ZDHHC24: variants seen among roughly 807,000 people sequenced by gnomAD.
The protein encoded by ZDHHC24 is probable palmitoyltransferase ZDHHC24.
Under a neutral mutation model 23.2 loss-of-function variants are expected in ZDHHC24, and 17 were observed. The observed-to-expected ratio is 0.73, with a 90% confidence interval of 0.50 to 1.10. The LOEUF (loss-of-function observed/expected upper bound fraction) is 1.10. Ranked by LOEUF, ZDHHC24 falls within the 50% of genes least tolerant of loss-of-function variation. The pLI is 0.00. For synonymous variants in ZDHHC24, 186 were observed against 194.5 expected, an observed-to-expected ratio of 0.96 and a Z score of 0.36; for missense variants, 366 against 393.0, an observed-to-expected ratio of 0.93 and a Z score of 0.58.
At chr11:66,524,180 T>C (rs575426823) in intron 4 of ZDHHC24, 1 of 407,658 alleles carries the variant, frequency 2.5e-6, no homozygotes, top group South Asian at 2.0e-5. Flanking sequence ...CTCAGGAGGT[T>C]GAGGTAGGAG....
intron 4 of ZDHHC24, chr11:66,526,760 C>G: frequency 6.2e-7 from 1 of 1,614,252 alleles, no homozygotes; most frequent in African/African-American, 1.3e-5. Context: ...CCCCGAAAGA[C>G]CCGGCTTTAC....
downstream of ZDHHC24, among the ~76,000 whole-genome samples, chr11:66,535,077 G>A (rs1256039618): frequency 6.6e-6 from 1 of 152,144 alleles, no homozygotes. Context: ...ATTTTTAGTA[G>A]AGACAGGGTT....
At chr11:66,523,916 C>T (rs1407253970) in intron 4 of ZDHHC24, 1 of 1,610,574 alleles carries the variant, frequency 6.2e-7, no homozygotes, top group Non-Finnish European at 8.5e-7. Flanking sequence ...CCACTCACTC[C>T]TCCTTGCCCT....
At chr11:66,522,179 T>C (rs1015376279) in intron 4 of ZDHHC24, among the ~76,000 whole-genome samples, 6 of 150,434 alleles carry the variant, frequency 4.0e-5, no homozygotes, top group African/African-American at 1.5e-4. Flanking sequence ...ATCACGCCAC[T>C]GCCCTCCAGC....
chr11:66,539,679 G>C lies in ZDHHC24; in HGVS notation c.705C>G (p.His235Gln). The change falls in exon 3 of 3, where the codon CAC (histidine) becomes CAG (glutamine). Residue 235 changes from histidine (H) to glutamine (Q), a missense_variant. Physicochemically the swap from His to Gln is conservative, Grantham distance 24. Coordinates refer to ENST00000310442, the MANE Select transcript of ZDHHC24 (RefSeq NM_207340.3). ...TGTGGCAGGGACCCAGGTCATAGGA[G>C]TGCTGGCCCCGAGCCCACTCCCATG... ...QTTWEWARGQ[H>Q]SYDLGPCHNL... is the part of the protein sequence containing the mutation. 1.1e-5 allele frequency: 17 copies of C among 1,611,356 alleles called. No homozygotes were observed. The highest frequency in any genetic ancestry group is 1.4e-5 in the Non-Finnish European group (17 of 1,179,580).
chr11:66,523,500 C>G (rs1856337732), intron 4 of ZDHHC24: 1 of 1,614,016 alleles, frequency 6.2e-7, no homozygotes, highest in Non-Finnish European at 8.5e-7. Flanking sequence ...AGCGCCCAGC[C>G]TGTGGGACTT....
intron 4 of ZDHHC24, chr11:66,523,396 T>C: frequency 6.2e-7 from 1 of 1,613,188 alleles, no homozygotes; most frequent in Non-Finnish European, 8.5e-7. Context: ...CAGAGGAGGG[T>C]CAGCCATAGA....
At chr11:66,529,174 G>A (rs12790919) in intron 3 of ZDHHC24, 13 of 1,445,236 alleles carry the variant, frequency 9.0e-6, no homozygotes, top group Admixed American at 2.5e-5. Flanking sequence ...CAGTCTGGAA[G>A]AGGAGGGACA....
At chr11:66,520,652 T>C (rs11822028), downstream of ZDHHC24, 39,088 of 161,740 alleles carry the variant, frequency 0.24, 5,022 homozygotes, top group East Asian at 0.26. Flanking sequence ...ATTTACCCTG[T>C]CACCTATTGT....
Position 66,537,413 on chromosome 11 carries a change from C to T in ZDHHC24, c.*2116G>A, listed in dbSNP as rs935762927. On this transcript the variant is annotated 3_prime_UTR_variant, in exon 3 of 3. Transcript: ENST00000310442. ...TTGGCCGAAGCCTCACCTCACCCTC[C>T]ATGGTCCTGGTGGAGTTCCTGAGCC... The T allele has an allele frequency of 1.3e-5, 2 of 152,138 alleles. No individual in the cohort carries two copies. Among genetic ancestry groups the T allele is most frequent in the East Asian group, 3.8e-4 (2 of 5,200 alleles). 9.4% of individuals were successfully genotyped at this position (152,138 alleles called of 1,614,324 possible).
chr11:66,531,519 C>T, downstream of ZDHHC24: 1 of 1,131,510 alleles, frequency 8.8e-7, no homozygotes, highest in Non-Finnish European at 1.3e-6. Context: ...CACCTGCATC[C>T]TCCTCCACCC....
At position 66,538,777 on chromosome 11, in the gene ZDHHC24, GC is replaced by G. The variant is rs1182489919; in HGVS notation, c.*751del. ...AGGAGGCCAGAGAGGTGCAGGCCTAGCCCTGTCAGCACCACCCTCCACAGAT... is the reference window on the plus strand; with the variant it reads ...AGGAGGCCAGAGAGGTGCAGGCCTAGCCTGTCAGCACCACCCTCCACAGAT... On this transcript the variant is annotated 3_prime_UTR_variant, in exon 3 of 3. Transcript: ENST00000310442. 1.3e-5 allele frequency: 2 copies of G among 152,198 alleles called. No homozygotes were observed. Among genetic ancestry groups the G allele is most frequent in the Non-Finnish European group, 2.9e-5 (2 of 68,072 alleles). The allele number at this position is 152,198 out of a possible 1,614,324, so 9.4% of individuals were successfully genotyped here.
intron 4 of ZDHHC24, chr11:66,526,320 A>G (rs1856488700): frequency 1.0e-6 from 1 of 964,176 alleles, no homozygotes; most frequent in East Asian, 2.6e-5. Flanking sequence ...AGGCCTACAG[A>G]AGTGTCCTTC....
At chr11:66,535,017 C>T (rs910821439), downstream of ZDHHC24, among the ~76,000 whole-genome samples, 3 of 152,108 alleles carry the variant, frequency 2.0e-5, no homozygotes, top group Non-Finnish European at 4.4e-5. Context: ...ATCAGACTCC[C>T]GAGTAGCTGG....
intron 4 of ZDHHC24, chr11:66,526,552 A>G (rs545736647): frequency 2.0e-6 from 3 of 1,511,440 alleles, no homozygotes; most frequent in South Asian, 2.3e-5. Context: ...TGTGTACAGA[A>G]GCAACTCTAT....
At chr11:66,527,384 C>A (rs1856562817) in intron 3 of ZDHHC24, among the ~76,000 whole-genome samples, 1 of 151,086 alleles carries the variant, frequency 6.6e-6, no homozygotes, top group African/African-American at 2.4e-5. Flanking sequence ...ATAGTCCCTA[C>A]CTTGGGCCAG....
rs749211076 is a variant in ZDHHC24, at chr11:66,536,111, C to T, written c.*3418G>A. 4 of 152,360 alleles carry T rather than the reference C, an allele frequency of 2.6e-5. No individual in the cohort carries two copies. The highest frequency in any genetic ancestry group is 4.4e-5 in the Non-Finnish European group (3 of 68,204). The allele number at this position is 152,360 out of a possible 1,614,324, so 9.4% of individuals were successfully genotyped here. On this transcript the variant is annotated 3_prime_UTR_variant, in exon 3 of 3. Transcript: ENST00000310442. Reference sequence around the variant, plus strand: ...TTAATAAAACTATAAAGCAAAGCAACGGAATGACTGAAACAGGACAGTGTC... The same window carrying T: ...TTAATAAAACTATAAAGCAAAGCAATGGAATGACTGAAACAGGACAGTGTC...
chr11:66,523,093 C>T, intron 4 of ZDHHC24: 1 of 467,122 alleles, frequency 2.1e-6, no homozygotes, highest in Admixed American at 2.4e-5. Flanking sequence ...ATCCTTTTCT[C>T]ATAATAAAGT....
At position 66,527,458 on chromosome 11, in the gene ZDHHC24, C is replaced by T. The variant is rs974016379; in HGVS notation, c.737-452G>A. On this transcript the variant is annotated intron_variant, in intron 3 of 4. Coordinates refer to the ZDHHC24 transcript ENST00000526986. ...GGCGGAGATGGGCAGATCATGAGGTCAGGAGTTCAAGACCAGCCTGGCCAA... is the reference window on the plus strand; with the variant it reads ...GGCGGAGATGGGCAGATCATGAGGTTAGGAGTTCAAGACCAGCCTGGCCAA... 9 of 232,994 alleles carry T rather than the reference C, an allele frequency of 3.9e-5. No individual in the cohort carries two copies. In the South Asian group the frequency reaches 5.3e-4, roughly 14 times the overall value. 14.4% of individuals were successfully genotyped at this position (232,994 alleles called of 1,614,324 possible). A position where few individuals can be genotyped will look rare whatever the true frequency, so the allele number is the denominator to read the frequency against.
Sources: allele counts gnomAD v4.1 joint callset (sites outside exome capture counted in the v4.1 genomes callset), GRCh38; gene constraint gnomAD v4.1.1; transcripts MANE v1.5; gene names NCBI Gene and HGNC (gene_info 2026-07-23, HGNC 2026-07-21).